The following ADORA2B variants were observed in gnomAD, a reference collection of about 807,000 sequenced individuals.
ADORA2B encodes adenosine receptor A2b.
Under a neutral mutation model 20.8 loss-of-function variants are expected in ADORA2B, and 18 were observed. That is an observed-to-expected ratio of 0.87 (90% CI 0.60 to 1.29). The LOEUF is 1.29. Among genes scored for constraint, ADORA2B ranks in the 50% most tolerant of loss-of-function variants. The pLI is 0.00. For synonymous variants in ADORA2B, 179 were observed against 178.3 expected (o/e 1.00, Z -0.03); for missense variants, 441 against 422.7 (o/e 1.04, Z -0.38).
At chr17:15,931,138 A>G in the ADORA2B span, among the ~76,000 whole-genome samples, 6 of 152,182 alleles carry the variant, frequency 3.9e-5, no homozygotes, top group Non-Finnish European at 5.9e-5. Context: ...GCAACACAGC[A>G]AGGCCCCATC....
the ADORA2B span, among the ~76,000 whole-genome samples, chr17:15,893,949 T>G: frequency 6.6e-6 from 1 of 152,220 alleles, no homozygotes; most frequent in Admixed American, 6.5e-5. Flanking sequence ...CCTTCAACAC[T>G]TTGTAAATGA....
the ADORA2B span, among the ~76,000 whole-genome samples, chr17:15,900,166 C>T: frequency 6.6e-6 from 1 of 152,162 alleles, no homozygotes; most frequent in African/African-American, 2.4e-5. Flanking sequence ...CACTGATGGA[C>T]ACCTAAGTTG....
At chr17:15,944,484 A>G (rs1015274293), upstream of ADORA2B, among the ~76,000 whole-genome samples, 1 of 152,088 alleles carries the variant, frequency 6.6e-6, no homozygotes, top group African/African-American at 2.4e-5. This position sits in a 1 kb window ranked among gnomAD's most constrained non-coding sequence, Gnocchi z 4.8. Context: ...AGCTTGTCTT[A>G]AGGTAGAAGG....
At chr17:15,865,729 A>T in the ADORA2B span, among the ~76,000 whole-genome samples, 1 of 150,990 alleles carries the variant, frequency 6.6e-6, no homozygotes, top group Non-Finnish European at 1.5e-5. Context: ...CTCCTTATGG[A>T]TTTTCACAAA....
the ADORA2B span, among the ~76,000 whole-genome samples, chr17:15,938,107 G>A: frequency 6.6e-6 from 1 of 151,888 alleles, no homozygotes; most frequent in Admixed American, 6.6e-5. Context: ...AATTTTGGGA[G>A]GCCAAGGTGA....
At chr17:15,856,429 G>C in the ADORA2B span, among the ~76,000 whole-genome samples, 1 of 152,100 alleles carries the variant, frequency 6.6e-6, no homozygotes, top group Non-Finnish European at 1.5e-5. Flanking sequence ...CGTGAAAACT[G>C]ACTAATAGTG....
intron 1 of ADORA2B, chr17:15,973,787 G>A (rs1025205250): frequency 1.3e-5 from 2 of 152,224 alleles, no homozygotes; most frequent in African/African-American, 4.8e-5. Flanking sequence ...GACTCAAAGA[G>A]CGGTACCTAG....
At position 15,945,499 on chromosome 17, in the gene ADORA2B, TC is replaced by T. The variant is rs1969790774; in HGVS notation, c.252del (p.Phe84LeufsTer55). ...DFYGCLFLACFVLVLTQSSIF... is the reference protein window; with the variant it reads ...DFYGCLFLACXVLVLTQSSIF... ...TACGGCTGCCTCTTCCTCGCCTGCT[TC>T]GTGCTGGTGCTCACGCAGAGCTCCA... On this transcript the variant is annotated frameshift_variant, in exon 1 of 2. Transcript: ENST00000304222. LOFTEE classifies it high-confidence loss of function. 1 of 1,611,578 alleles carries T rather than the reference TC, an allele frequency of 6.2e-7. No individual in the cohort carries two copies. Among genetic ancestry groups the T allele is most frequent in the Admixed American group, 1.7e-5 (1 of 59,896 alleles).
chr17:15,882,763 G>A, the ADORA2B span, among the ~76,000 whole-genome samples: 4 of 124,158 alleles, frequency 3.2e-5, no homozygotes, highest in Non-Finnish European at 5.1e-5. Flanking sequence ...TTGTCAGAAC[G>A]TGTCCTCCTT....
the ADORA2B span, among the ~76,000 whole-genome samples, chr17:15,879,692 C>A: frequency 6.7e-6 from 1 of 149,018 alleles, no homozygotes; most frequent in African/African-American, 2.6e-5. Flanking sequence ...CGCCCACCAC[C>A]ACGCCCGGCT....
At chr17:15,871,050 T>G in the ADORA2B span, among the ~76,000 whole-genome samples, 1 of 152,222 alleles carries the variant, frequency 6.6e-6, no homozygotes, top group African/African-American at 2.4e-5. Context: ...TCTCCCGTGT[T>G]GTGGGAGACA....
At chr17:15,962,258 G>A (rs369242733) in intron 1 of ADORA2B, among the ~76,000 whole-genome samples, 61 of 152,118 alleles carry the variant, frequency 4.0e-4, no homozygotes, top group Non-Finnish European at 6.0e-4. Flanking sequence ...AGCCAAGATC[G>A]CGCCACTGCA....
At chr17:15,871,238 G>A in the ADORA2B span, among the ~76,000 whole-genome samples, 25 of 152,092 alleles carry the variant, frequency 1.6e-4, no homozygotes, top group African/African-American at 4.8e-4. Flanking sequence ...CAGATTGTTC[G>A]CACAGCAGAT....
At chr17:15,909,705 G>A in the ADORA2B span, among the ~76,000 whole-genome samples, 2 of 152,216 alleles carry the variant, frequency 1.3e-5, no homozygotes, top group Non-Finnish European at 1.5e-5. Flanking sequence ...CTGAGGGTGT[G>A]TGCCTCTGGG....
chr17:15,910,695 G>C, the ADORA2B span, among the ~76,000 whole-genome samples: 2 of 152,186 alleles, frequency 1.3e-5, no homozygotes, highest in Admixed American at 1.3e-4. Context: ...GCCCAAGACA[G>C]TTCTTCCAGT....
chr17:15,916,868 G>T, the ADORA2B span, among the ~76,000 whole-genome samples: 1 of 152,198 alleles, frequency 6.6e-6, no homozygotes, highest in Non-Finnish European at 1.5e-5. Flanking sequence ...GCACAGAAAG[G>T]CTCAATAATT....
chr17:15,879,889 G>A, the ADORA2B span, among the ~76,000 whole-genome samples: 1 of 145,174 alleles, frequency 6.9e-6, no homozygotes, highest in Non-Finnish European at 1.5e-5. Flanking sequence ...TCTGACAAAC[G>A]AAAACTTGAA....
At chr17:15,876,421 T>TC in the ADORA2B span, among the ~76,000 whole-genome samples, 15 of 149,484 alleles carry the variant, frequency 1.0e-4, no homozygotes, top group East Asian at 3.9e-4. Flanking sequence ...GGTCTTTTTT[T>TC]TTTCTTTCTT....
At position 15,971,306 on chromosome 17, in the gene ADORA2B, T is replaced by G. The variant is rs534933338; in HGVS notation, c.336-3373T>G. On this transcript the variant is annotated intron_variant, in intron 1 of 1. Coordinates refer to ENST00000304222, the MANE Select transcript of ADORA2B (RefSeq NM_000676.4). ...GTGAGGCAATGGCAGAGAACAACTG[T>G]TTTTAAGGAAGGCTTTACATTCCTG... 2.6e-5 allele frequency among the ~76,000 whole-genome samples: 4 copies of G among 152,350 alleles called. No homozygotes were observed. The South Asian group carries it at 8.3e-4, about 32-fold the overall frequency.
Sources: allele counts gnomAD v4.1 joint callset (sites outside exome capture counted in the v4.1 genomes callset), GRCh38; gene constraint gnomAD v4.1.1; non-coding constraint Gnocchi (gnomAD v3.1); transcripts MANE v1.5; gene names NCBI Gene and HGNC (gene_info 2026-07-23, HGNC 2026-07-21).